The following GALNT13 variants were observed in gnomAD, a reference collection of about 807,000 sequenced individuals.
GALNT13 encodes the protein UDP-GalNAc:polypeptide N-acetylgalactosaminyltransferase 13.
Under a neutral mutation model 64.2 loss-of-function variants are expected in GALNT13, and 28 were observed. The ratio of observed to expected loss-of-function variants is 0.44; its 90% CI spans 0.32 to 0.60. The LOEUF (loss-of-function observed/expected upper bound fraction) is 0.60, where lower values mean the gene tolerates loss of function less well. Ranked by LOEUF, GALNT13 falls within the 20% of genes least tolerant of loss-of-function variation. The pLI is 0.05. For synonymous variants in GALNT13, 214 were observed against 224.6 expected (o/e 0.95, Z 0.42); for missense variants, 577 against 669.8 (o/e 0.86, Z 1.53).
At chr2:153,997,160 T>C in intron 3 of GALNT13, among the ~76,000 whole-genome samples, 1 of 152,178 alleles carries the variant, frequency 6.6e-6, no homozygotes, top group East Asian at 1.9e-4. Flanking sequence ...TCTGGGTCTT[T>C]TGTGGTTCCA....
chr2:153,244,868 A>T, the GALNT13 span, among the ~76,000 whole-genome samples: 5 of 152,218 alleles, frequency 3.3e-5, no homozygotes, highest in African/African-American at 9.6e-5. Context: ...CCAGCAAGCT[A>T]AGAACCACTG....
the GALNT13 span, among the ~76,000 whole-genome samples, chr2:153,371,932 G>A: frequency 6.6e-6 from 1 of 152,124 alleles, no homozygotes; most frequent in Admixed American, 6.5e-5. Flanking sequence ...GCTTCACTTG[G>A]AATGATAGAG....
chr2:154,001,247 C>G (rs1209790690), intron 3 of GALNT13, among the ~76,000 whole-genome samples: 1 of 151,900 alleles, frequency 6.6e-6, no homozygotes, highest in Non-Finnish European at 1.5e-5. Flanking sequence ...TATATAGTCA[C>G]TCTGTCTTTT....
At chr2:154,094,983 T>C (rs1702005398) in intron 3 of GALNT13, among the ~76,000 whole-genome samples, 2 of 151,978 alleles carry the variant, frequency 1.3e-5, no homozygotes, top group Non-Finnish European at 2.9e-5. Context: ...TATTTTTGTA[T>C]TGAATCCAGG....
the GALNT13 span, among the ~76,000 whole-genome samples, chr2:153,594,546 C>T: frequency 2.0e-5 from 3 of 151,918 alleles, no homozygotes; most frequent in African/African-American, 7.3e-5. Flanking sequence ...GTAATCTTAT[C>T]TCTTCTAATA....
At chr2:153,898,716 T>C (rs928673156) in intron 1 of GALNT13, among the ~76,000 whole-genome samples, 14 of 151,972 alleles carry the variant, frequency 9.2e-5, no homozygotes, top group South Asian at 2.1e-4. Flanking sequence ...TTAAAACATA[T>C]ATAGATTGAA....
At chr2:153,250,036 T>G in the GALNT13 span, among the ~76,000 whole-genome samples, 1 of 152,016 alleles carries the variant, frequency 6.6e-6, no homozygotes, top group African/African-American at 2.4e-5. Flanking sequence ...AATTGACAAA[T>G]GGGATCTAAT....
At chr2:153,083,442 G>A in the GALNT13 span, among the ~76,000 whole-genome samples, 1 of 152,122 alleles carries the variant, frequency 6.6e-6, no homozygotes, top group East Asian at 1.9e-4. Flanking sequence ...TCTTGCAGGA[G>A]TAAGGTGGTA....
chr2:154,332,803 A>T (rs548249523), intron 9 of GALNT13, among the ~76,000 whole-genome samples: 1 of 152,152 alleles, frequency 6.6e-6, no homozygotes, highest in Non-Finnish European at 1.5e-5. Context: ...AAAAGCCATC[A>T]GTTTTCTTAT....
At chr2:154,174,825 G>T (rs1296417617) in intron 4 of GALNT13, among the ~76,000 whole-genome samples, 3 of 152,000 alleles carry the variant, frequency 2.0e-5, no homozygotes, top group Non-Finnish European at 2.9e-5. Context: ...GACTACAATA[G>T]AATATTATCA....
At chr2:153,809,777 A>G in the GALNT13 span, among the ~76,000 whole-genome samples, 34 of 152,236 alleles carry the variant, frequency 2.2e-4, no homozygotes, top group South Asian at 1.0e-3. Flanking sequence ...TGTTGTTTTA[A>G]TGGATGACTT....
At chr2:153,455,281 A>G in the GALNT13 span, among the ~76,000 whole-genome samples, 2 of 152,238 alleles carry the variant, frequency 1.3e-5, no homozygotes, top group Non-Finnish European at 2.9e-5. Context: ...TAGGAGTAAA[A>G]TCCTTTTATG....
At chr2:153,737,967 G>A in the GALNT13 span, among the ~76,000 whole-genome samples, 1 of 151,828 alleles carries the variant, frequency 6.6e-6, no homozygotes, top group African/African-American at 2.4e-5. Flanking sequence ...TCATTTGCTG[G>A]TCTACTTAAT....
chr2:153,783,464 T>C, the GALNT13 span, among the ~76,000 whole-genome samples: 4 of 152,180 alleles, frequency 2.6e-5, no homozygotes, highest in African/African-American at 9.7e-5. Context: ...AAGTCTTTTA[T>C]AAACCTCATT....
At chr2:154,002,365 TC>T (rs1006160820) in intron 3 of GALNT13, among the ~76,000 whole-genome samples, 1 of 152,012 alleles carries the variant, frequency 6.6e-6, no homozygotes, top group African/African-American at 2.4e-5. Context: ...GTCTTTCTTT[TC>T]CTCTTCTCAT....
At chr2:153,168,091 A>G in the GALNT13 span, among the ~76,000 whole-genome samples, 1 of 152,216 alleles carries the variant, frequency 6.6e-6, no homozygotes, top group Non-Finnish European at 1.5e-5. Context: ...TGGAGATCCA[A>G]TGAGCACTGC....
chr2:153,814,373 G>A, the GALNT13 span, among the ~76,000 whole-genome samples: 2 of 152,310 alleles, frequency 1.3e-5, no homozygotes, highest in Middle Eastern at 3.4e-3. Flanking sequence ...CCGGGAGGCG[G>A]AGCTTGCGGT....
intron 9 of GALNT13, among the ~76,000 whole-genome samples, chr2:154,393,711 C>A (rs1449834151): frequency 6.6e-6 from 1 of 152,156 alleles, no homozygotes; most frequent in Non-Finnish European, 1.5e-5. Context: ...ATTCAGTAAT[C>A]TCTATAATTC....
the GALNT13 span, among the ~76,000 whole-genome samples, chr2:153,803,123 G>A: frequency 6.6e-6 from 1 of 152,120 alleles, no homozygotes; most frequent in African/African-American, 2.4e-5. Flanking sequence ...GGTGCCACTG[G>A]TAAGCTCAGT....
Sources: allele counts gnomAD v4.1 joint callset (sites outside exome capture counted in the v4.1 genomes callset), GRCh38; gene constraint gnomAD v4.1.1; transcripts MANE v1.5; gene names NCBI Gene and HGNC (gene_info 2026-07-23, HGNC 2026-07-21).